The following MDGA2 variants were observed in gnomAD, a reference collection of about 807,000 sequenced individuals.
MDGA2 encodes MAM domain-containing glycosylphosphatidylinositol anchor protein 2.
MDGA2 carries 40 observed loss-of-function variants against 117.8 expected under a neutral mutation model. The ratio of observed to expected loss-of-function variants is 0.34; its 90% CI spans 0.26 to 0.44. The LOEUF is 0.44. Ranked by LOEUF, MDGA2 falls within the 20% of genes least tolerant of loss-of-function variation. The pLI is 1.00. For synonymous variants in MDGA2, 452 were observed against 439.0 expected, an observed-to-expected ratio of 1.03 and a Z score of -0.37; for missense variants, 1,123 against 1,250.6, an observed-to-expected ratio of 0.90 and a Z score of 1.54.
chr14:47,229,888 C>T (rs959309981), intron 2 of MDGA2, among the ~76,000 whole-genome samples: 2 of 151,786 alleles, frequency 1.3e-5, no homozygotes, highest in Non-Finnish European at 2.9e-5. Context: ...AATGTTTTTC[C>T]CATAGCTTCA....
chr14:47,382,640 A>G (rs2138420355), intron 1 of MDGA2, among the ~76,000 whole-genome samples: 1 of 152,368 alleles, frequency 6.6e-6, no homozygotes, highest in East Asian at 1.9e-4. Flanking sequence ...AATGCAAATC[A>G]AAACCACAAT....
chr14:47,141,969 A>G (rs947548742), intron 4 of MDGA2, among the ~76,000 whole-genome samples: 5 of 152,222 alleles, frequency 3.3e-5, no homozygotes, highest in African/African-American at 1.2e-4. Flanking sequence ...GTATCAAAAC[A>G]TCACACCATA....
intron 9 of MDGA2, among the ~76,000 whole-genome samples, chr14:46,935,303 T>C (rs1023477162): frequency 3.3e-5 from 5 of 152,110 alleles, no homozygotes; most frequent in Non-Finnish European, 2.9e-5. Flanking sequence ...GAGCACACTT[T>C]AGTTCTCTTA....
intron 1 of MDGA2, among the ~76,000 whole-genome samples, chr14:47,307,683 G>A (rs532475176): frequency 6.9e-6 from 1 of 145,088 alleles, no homozygotes; most frequent in South Asian, 2.1e-4. Context: ...GAGATACTCT[G>A]TGGGGGGGAA....
chr14:47,157,920 G>A (rs1304698455), intron 3 of MDGA2, among the ~76,000 whole-genome samples: 1 of 151,962 alleles, frequency 6.6e-6, no homozygotes, highest in South Asian at 2.1e-4. Context: ...ATGCAGAACT[G>A]TGAGTCAATT....
intron 1 of MDGA2, among the ~76,000 whole-genome samples, chr14:47,316,554 C>T (rs1889816554): frequency 6.6e-6 from 1 of 151,968 alleles, no homozygotes; most frequent in African/African-American, 2.4e-5. Context: ...ATTTCATTTA[C>T]TTAATATCAC....
At chr14:47,342,534 T>C (rs189857082) in intron 1 of MDGA2, among the ~76,000 whole-genome samples, 68 of 152,174 alleles carry the variant, frequency 4.5e-4, no homozygotes, top group African/African-American at 1.5e-3. Flanking sequence ...TAGGAAAATA[T>C]ACTCCTTTCA....
chr14:47,034,976 C>A, intron 8 of MDGA2, 35 bp downstream of exon 8: 1 of 1,562,274 alleles, frequency 6.4e-7, no homozygotes, highest in Non-Finnish European at 8.7e-7. Context: ...TTCCCTTGTC[C>A]CCATATGGAA....
At position 47,179,230 on chromosome 14, in the gene MDGA2, C is replaced by T. The variant is rs567816195; in HGVS notation, c.596-34956G>A. Among the ~76,000 whole-genome samples, 165 of 151,680 alleles carry T rather than the reference C, an allele frequency of 1.1e-3. 2 individuals are homozygous for T. The highest frequency in any genetic ancestry group is 3.5e-3 in the African/African-American group (146 of 41,378). On this transcript the variant is annotated intron_variant, in intron 3 of 16. Coordinates refer to ENST00000399232, the MANE Select transcript of MDGA2 (RefSeq NM_001113498.3). ...ATGTGTACAATATTATATGGGGAGCCGAATCAACAGCACTCATAATAAAGT... is the reference window on the plus strand; with the variant it reads ...ATGTGTACAATATTATATGGGGAGCTGAATCAACAGCACTCATAATAAAGT...
chr14:47,313,198 A>G (rs975622927), intron 1 of MDGA2, among the ~76,000 whole-genome samples: 2 of 152,210 alleles, frequency 1.3e-5, no homozygotes, highest in Non-Finnish European at 1.5e-5. Flanking sequence ...GTCAAACCAA[A>G]TAAGCTATTT....
At chr14:46,978,952 T>C (rs533144125) in intron 8 of MDGA2, among the ~76,000 whole-genome samples, 44 of 152,262 alleles carry the variant, frequency 2.9e-4, no homozygotes, top group African/African-American at 1.0e-3. Flanking sequence ...AAAACATACC[T>C]TGTTTTATTG....
rs537564471 is a variant in MDGA2, at chr14:46,889,535, T to G, written c.2239-7314A>C. On this transcript the variant is annotated intron_variant, in intron 10 of 16. Transcript: ENST00000399232. ...CTCAACTTCAACAGTTTTTTCTAGT[T>G]GTGTTCTAGCGTCTAGCATGCATAG... Among the ~76,000 whole-genome samples, 4 of 152,260 alleles carry G rather than the reference T, an allele frequency of 2.6e-5. No individual in the cohort carries two copies. In the South Asian group the frequency reaches 8.3e-4, roughly 32 times the overall value.
chr14:47,399,182 G>A (rs985161137), intron 1 of MDGA2, among the ~76,000 whole-genome samples: 1 of 152,094 alleles, frequency 6.6e-6, no homozygotes, highest in African/African-American at 2.4e-5. Flanking sequence ...GAAGAGAAAT[G>A]TCAAAGATAA....
At chr14:47,226,055 C>A (rs570980523) in intron 2 of MDGA2, among the ~76,000 whole-genome samples, 1 of 151,414 alleles carries the variant, frequency 6.6e-6, no homozygotes, top group Non-Finnish European at 1.5e-5. Flanking sequence ...TTGGGGAGGC[C>A]GAGGCAGAAG....
intron 14 of MDGA2, chr14:46,871,961 C>T (rs1882020134): frequency 3.6e-6 from 1 of 279,676 alleles, no homozygotes. Flanking sequence ...TAGCAAGAGC[C>T]TGTCTCATAA....
At chr14:46,872,105 A>G (rs367886385) in intron 14 of MDGA2, 9 of 153,086 alleles carry the variant, frequency 5.9e-5, no homozygotes, top group Admixed American at 4.6e-4. Context: ...ACAACCATTT[A>G]CTTGGCAGTT....
rs113086440 is a variant in MDGA2 at position 46,953,153 on chromosome 14, T to C, written c.2089+4221A>G. 3.2e-3 allele frequency among the ~76,000 whole-genome samples: 494 copies of C among 152,022 alleles called. 5 individuals carry two copies. The highest frequency in any genetic ancestry group is 0.011 in the African/African-American group (475 of 41,536). ...TTTTTATTGTTCTCTTTCTGATGTT[T>C]AATCTTGTACCTCACACTTAGTAAG... On this transcript the variant is annotated intron_variant, in intron 9 of 16. Transcript: ENST00000399232.
intron 6 of MDGA2, among the ~76,000 whole-genome samples, chr14:47,094,918 C>T (rs961039783): frequency 1.3e-5 from 2 of 151,940 alleles, no homozygotes; most frequent in Admixed American, 1.3e-4. Context: ...TTAAAATGAG[C>T]CCCATTTCTC....
At chr14:46,942,306 A>G (rs141536158) in intron 9 of MDGA2, among the ~76,000 whole-genome samples, 549 of 152,300 alleles carry the variant, frequency 3.6e-3, no homozygotes, top group East Asian at 0.02. Flanking sequence ...ACATTATAAC[A>G]TTACATGGAA....
Sources: allele counts gnomAD v4.1 joint callset (sites outside exome capture counted in the v4.1 genomes callset), GRCh38; gene constraint gnomAD v4.1.1; transcripts MANE v1.5; gene names NCBI Gene and HGNC (gene_info 2026-07-23, HGNC 2026-07-21).